The following CHD6 variants were observed in gnomAD, a reference collection of about 807,000 sequenced individuals.
CHD6 encodes the protein chromodomain helicase DNA binding protein 6, also known as ATP-dependent chromatin remodeler CHD6.
Under a neutral mutation model 276.9 loss-of-function variants are expected in CHD6, and 50 were observed. That is an observed-to-expected ratio of 0.18 (90% confidence interval 0.14 to 0.23). CHD6 has a LOEUF of 0.23. Ranked by LOEUF, CHD6 falls within the 10% of genes least tolerant of loss-of-function variation. The pLI is 1.00. For synonymous variants in CHD6, 1,173 were observed against 1,229.3 expected, an observed-to-expected ratio of 0.95 and a Z score of 0.96; for missense variants, 2,564 against 3,365.8, an observed-to-expected ratio of 0.76 and a Z score of 5.89.
chr20:41,415,712 T>TAGGGAAATCAGGCCTG, intron 33 of CHD6, 74 bp from the exon 34 acceptor site: 9 of 1,155,262 alleles, frequency 7.8e-6, no homozygotes, highest in South Asian at 1.5e-5. Flanking sequence ...TCTCCAGGCC[T>TAGGGAAATCAGGCCTG]GATTTCCCTA....
Position 41,615,910 on chromosome 20 carries a change from T to A in CHD6, c.-24+2430A>T, listed in dbSNP as rs191994445. Among the ~76,000 whole-genome samples the A allele has an allele frequency of 9.2e-5, 14 of 152,350 alleles. 1 individual carries two copies. The highest frequency in any genetic ancestry group is 9.1e-4 in the Admixed American group (14 of 15,304). ...AAACCAAAACATTTCTTCAAAACTT[T>A]TATAAACCAAGGAGCTCTCCAACAC... On this transcript the variant is annotated intron_variant, in intron 1 of 36. Transcript: ENST00000373233.
rs775598447 is a variant in CHD6 at position 41,607,349 on chromosome 20, T to C, written c.-24+10991A>G. Among the ~76,000 whole-genome samples the C allele has an allele frequency of 3.9e-5, 6 of 152,218 alleles. No individual in the cohort carries two copies. The East Asian group carries it at 9.6e-4, about 24-fold the overall frequency. ...ATTTGGACATAGCTCTAATCTGACATTGATCATGATGCTTGTAGTGGCAGT... is the reference window on the plus strand; with the variant it reads ...ATTTGGACATAGCTCTAATCTGACACTGATCATGATGCTTGTAGTGGCAGT... On this transcript the variant is annotated intron_variant, in intron 1 of 36. Coordinates refer to ENST00000373233, the MANE Select transcript of CHD6 (RefSeq NM_032221.5).
At chr20:41,531,907 C>T (rs2044694541) in intron 3 of CHD6, among the ~76,000 whole-genome samples, 1 of 152,130 alleles carries the variant, frequency 6.6e-6, no homozygotes, top group Non-Finnish European at 1.5e-5. Context: ...TTGTTAGTAT[C>T]CACATCAGTC....
chr20:41,545,890 G>A (rs1482846130), intron 2 of CHD6, among the ~76,000 whole-genome samples: 6 of 152,044 alleles, frequency 3.9e-5, no homozygotes, highest in East Asian at 1.9e-4. Flanking sequence ...CACAGAAGAC[G>A]CTGCCTCTTT....
At chr20:41,418,001 A>G (rs998870961) in intron 31 of CHD6, among the ~76,000 whole-genome samples, 2 of 152,244 alleles carry the variant, frequency 1.3e-5, no homozygotes, top group African/African-American at 4.8e-5. Flanking sequence ...CAATGGAAAA[A>G]CACCTAAGGC....
chr20:41,485,067 C>G (rs1392006586), intron 14 of CHD6, among the ~76,000 whole-genome samples: 1 of 152,096 alleles, frequency 6.6e-6, no homozygotes, highest in Admixed American at 6.5e-5. Context: ...CCTCCTATAC[C>G]TTTTAAGTAA....
chr20:41,579,329 T>TGAG (rs1168316643), intron 1 of CHD6, among the ~76,000 whole-genome samples: 1 of 148,444 alleles, frequency 6.7e-6, no homozygotes, highest in Non-Finnish European at 1.5e-5. Context: ...TCCCAGCTAC[T>TGAG]GAGGAGGCTG....
chr20:41,518,542 C>T (rs2044307865), intron 3 of CHD6, among the ~76,000 whole-genome samples: 1 of 152,048 alleles, frequency 6.6e-6, no homozygotes, highest in Non-Finnish European at 1.5e-5. Context: ...GGTTAGGTAG[C>T]CTGGAAATAC....
intron 6 of CHD6, among the ~76,000 whole-genome samples, chr20:41,498,626 A>T (rs774024620): frequency 2.0e-5 from 3 of 152,130 alleles, no homozygotes; most frequent in Non-Finnish European, 4.4e-5. Context: ...TACTTTCATA[A>T]ATTCTTGAAG....
chr20:41,539,704 CATAA>C (rs999598056), intron 2 of CHD6, among the ~76,000 whole-genome samples: 44 of 152,042 alleles, frequency 2.9e-4, no homozygotes, highest in Admixed American at 5.9e-4. Flanking sequence ...TCTTCTAGGG[CATAA>C]ATAAAGGAAA....
At chr20:41,520,162 C>G (rs1190191149) in intron 3 of CHD6, among the ~76,000 whole-genome samples, 1 of 152,162 alleles carries the variant, frequency 6.6e-6, no homozygotes, top group African/African-American at 2.4e-5. Context: ...ATTAAAAAGT[C>G]AGGAAACAAC....
In CHD6 at chr20:41,402,170, A is replaced by G. The variant is rs1003977987; in HGVS notation, c.*2423T>C. ...GACATGGGGTGAAGAATGGTCAAGG[A>G]AAGTTATGGCCGTGAGTGACATGGA... On this transcript the variant is annotated 3_prime_UTR_variant, in exon 37 of 37. Transcript: ENST00000373233. The G allele has an allele frequency of 9.5e-6, 2 of 209,982 alleles. No homozygotes were observed. Among genetic ancestry groups the G allele is most frequent in the Admixed American group, 5.9e-5 (1 of 16,970 alleles). The allele number at this position is 209,982 out of a possible 1,614,324, so 13.0% of individuals were successfully genotyped here.
chr20:41,499,431 C>T, intron 5 of CHD6, 74 bp from the exon 6 acceptor site: 1 of 1,174,830 alleles, frequency 8.5e-7, no homozygotes, highest in African/African-American at 1.5e-5. Flanking sequence ...GTAAGAAATA[C>T]TACAATGGGT....
intron 23 of CHD6, among the ~76,000 whole-genome samples, chr20:41,448,791 T>C (rs577719916): frequency 6.6e-6 from 1 of 152,268 alleles, no homozygotes; most frequent in Admixed American, 6.5e-5. Context: ...TGGGCTCAAG[T>C]TGTAGGTGGA....
In CHD6 at chr20:41,512,134, A is replaced by ATTTT. The variant is rs11429306; in HGVS notation, c.852+708_852+711dup. On this transcript the variant is annotated intron_variant, in intron 5 of 36. Transcript: ENST00000373233. The stretch of plus-strand genomic sequence containing the variant: ...AGGCCTGCACCACCATGCCCAGCTA[A>ATTTT]TTTTTTTTTTTGTAGAGATGGGGTT... 2.0e-5 allele frequency among the ~76,000 whole-genome samples: 3 copies of ATTTT among 147,914 alleles called. No homozygotes were observed. The South Asian group carries it at 6.5e-4, about 32-fold the overall frequency.
Position 41,404,459 on chromosome 20 carries a change from C to T in CHD6, c.*134G>A. On this transcript the variant is annotated 3_prime_UTR_variant, in exon 37 of 37. Transcript: ENST00000373233. Reference sequence around the variant, plus strand: ...ACTATTAACATCTGTTACCATAGTTCTCAGACAGGAAATCAGGTACGTAAT... The same window carrying T: ...ACTATTAACATCTGTTACCATAGTTTTCAGACAGGAAATCAGGTACGTAAT... The T allele has an allele frequency of 7.3e-7, 1 of 1,366,042 alleles. No individual in the cohort carries two copies. Among genetic ancestry groups the T allele is most frequent in the African/African-American group, 1.4e-5 (1 of 69,136 alleles). The allele number at this position is 1,366,042 out of a possible 1,614,324, so 84.6% of individuals were successfully genotyped here. A position where few individuals can be genotyped will look rare whatever the true frequency, so the allele number is the denominator to read the frequency against.
chr20:41,546,505 T>C (rs2045045974), intron 2 of CHD6, among the ~76,000 whole-genome samples: 1 of 152,238 alleles, frequency 6.6e-6, no homozygotes. Context: ...GACCATATTA[T>C]ACATTACATA....
intron 2 of CHD6, among the ~76,000 whole-genome samples, chr20:41,550,590 G>T (rs1363020002): frequency 6.6e-6 from 1 of 152,142 alleles, no homozygotes; most frequent in Non-Finnish European, 1.5e-5. Flanking sequence ...CAGAGTCCCA[G>T]TGAAAAGCAG....
At chr20:41,445,519 C>G in intron 25 of CHD6, 146 bp downstream of exon 25, 2 of 593,248 alleles carry the variant, frequency 3.4e-6, no homozygotes, top group Non-Finnish European at 6.1e-6. Flanking sequence ...TCCAAGAGGG[C>G]AGCTGTGAAG....
Sources: gnomAD v4.1 joint callset for allele counts (sites outside exome capture counted in the v4.1 genomes callset) on GRCh38, gnomAD v4.1.1 for gene constraint, MANE v1.5 for transcripts, NCBI Gene and HGNC (gene_info 2026-07-23, HGNC 2026-07-21) for gene names.